Variants in RAD51B observed in about 807,000 individuals in gnomAD.
The protein encoded by RAD51B is RAD51 paralog B.
In RAD51B, 38 loss-of-function variants were observed where a neutral mutation model predicts 42.2. The ratio of observed to expected loss-of-function variants is 0.90; its 90% CI spans 0.70 to 1.18. RAD51B has a LOEUF of 1.18. Ranked by LOEUF, RAD51B falls within the 50% of genes most tolerant of loss-of-function variation. The pLI is 0.00. For synonymous variants in RAD51B, 154 were observed against 145.2 expected (o/e 1.06, Z -0.43); for missense variants, 373 against 400.7 (o/e 0.93, Z 0.59).
intron 7 of RAD51B, among the ~76,000 whole-genome samples, chr14:68,248,641 T>G (rs2080552125): frequency 6.6e-6 from 1 of 152,064 alleles, no homozygotes; most frequent in Non-Finnish European, 1.5e-5. Flanking sequence ...GGGGAGTGGG[T>G]ATCTGAATAG....
At chr14:68,389,601 A>G (rs894686550) in intron 8 of RAD51B, among the ~76,000 whole-genome samples, 1 of 152,210 alleles carries the variant, frequency 6.6e-6, no homozygotes, top group African/African-American at 2.4e-5. Flanking sequence ...CATAGTGTGC[A>G]TACTACTTTG....
At chr14:68,318,240 G>GCCA (rs1360207989) in intron 8 of RAD51B, among the ~76,000 whole-genome samples, 1 of 152,168 alleles carries the variant, frequency 6.6e-6, no homozygotes, top group African/African-American at 2.4e-5. Flanking sequence ...GTTCAACCTG[G>GCCA]CCATAGGCTG....
chr14:68,180,299 C>T (rs565294799), intron 7 of RAD51B, among the ~76,000 whole-genome samples: 3 of 152,228 alleles, frequency 2.0e-5, no homozygotes, highest in South Asian at 2.1e-4. Flanking sequence ...TTTGCCCAAA[C>T]GTGTTTATCC....
intron 8 of RAD51B, among the ~76,000 whole-genome samples, chr14:68,304,034 A>G (rs745814731): frequency 6.6e-6 from 1 of 152,016 alleles, no homozygotes; most frequent in Non-Finnish European, 1.5e-5. Flanking sequence ...GCTGGATGTG[A>G]TGGTGCATGC....
At chr14:68,267,269 A>T (rs1161890159) in intron 7 of RAD51B, among the ~76,000 whole-genome samples, 1 of 152,234 alleles carries the variant, frequency 6.6e-6, no homozygotes, top group East Asian at 1.9e-4. Context: ...AGTAGCCCTA[A>T]TAATAGGAAA....
At chr14:68,581,982 C>T (rs1890228107) in intron 10 of RAD51B, among the ~76,000 whole-genome samples, 1 of 152,170 alleles carries the variant, frequency 6.6e-6, no homozygotes, top group South Asian at 2.1e-4. Flanking sequence ...TGGACCCCTT[C>T]CTTACACCTT....
chr14:68,404,041 C>T (rs17105545), intron 8 of RAD51B, among the ~76,000 whole-genome samples: 3,569 of 152,252 alleles, frequency 0.023, 65 homozygotes, highest in East Asian at 0.039. Flanking sequence ...TGAATGTTCC[C>T]ACAGTCTTTT....
At chr14:68,200,051 A>G (rs930255304) in intron 7 of RAD51B, among the ~76,000 whole-genome samples, 3 of 152,112 alleles carry the variant, frequency 2.0e-5, no homozygotes, top group Non-Finnish European at 4.4e-5. Context: ...TTCATTTAAT[A>G]ATCAGGGTAG....
intron 10 of RAD51B, among the ~76,000 whole-genome samples, chr14:68,499,293 CTTG>C (rs1204931468): frequency 2.0e-5 from 3 of 152,160 alleles, no homozygotes; most frequent in African/African-American, 7.2e-5. Flanking sequence ...GCGGAAAGAA[CTTG>C]TTTTCACTCC....
chr14:68,167,540 A>G (rs1262835462), intron 7 of RAD51B, among the ~76,000 whole-genome samples: 1 of 152,102 alleles, frequency 6.6e-6, no homozygotes, highest in East Asian at 1.9e-4. Context: ...AGCACTTGGT[A>G]GATTGATTAG....
In RAD51B at chr14:67,865,578, G is replaced by T. The variant is rs1347935935; in HGVS notation, c.452+439G>T. Among the ~76,000 whole-genome samples the T allele has an allele frequency of 6.1e-5, 7 of 114,788 alleles. No homozygotes were observed. The Admixed American group carries it at 7.2e-4, about 12-fold the overall frequency. The allele number at this position is 114,788 out of a possible 152,430, so 75.3% of individuals were successfully genotyped here. On this transcript the variant is annotated intron_variant, in intron 5 of 10. Coordinates refer to ENST00000471583, the MANE Select transcript of RAD51B (RefSeq NM_133510.4). Reference sequence around the variant, plus strand: ...TTTTGAGATGGAGTCTCTCTCTGTCGCCCAGGTTGGAGTTCAGTGGCAGGA... The same window carrying T: ...TTTTGAGATGGAGTCTCTCTCTGTCTCCCAGGTTGGAGTTCAGTGGCAGGA...
intron 7 of RAD51B, among the ~76,000 whole-genome samples, chr14:67,958,511 C>T (rs2074596286): frequency 6.6e-6 from 1 of 152,190 alleles, no homozygotes; most frequent in Non-Finnish European, 1.5e-5. Context: ...AGTCTTACCA[C>T]CAAGTGCTTG....
intron 9 of RAD51B, among the ~76,000 whole-genome samples, chr14:68,432,999 C>T (rs1249337683): frequency 6.6e-6 from 1 of 152,156 alleles, no homozygotes; most frequent in African/African-American, 2.4e-5. Flanking sequence ...ATTTTTCCTT[C>T]ACTTATGAAG....
At position 68,534,089 on chromosome 14, in the gene RAD51B, CA is replaced by C. The variant is rs1482178697; in HGVS notation, c.1037-60390del. Among the ~76,000 whole-genome samples, 3 of 151,936 alleles carry C rather than the reference CA, an allele frequency of 2.0e-5. No homozygotes were observed. In the East Asian group the frequency reaches 5.8e-4, roughly 29 times the overall value. On this transcript the variant is annotated intron_variant, in intron 10 of 10. Coordinates refer to the RAD51B transcript ENST00000487270. The stretch of plus-strand genomic sequence containing the variant: ...AAGCAAGTGAGCTTAACTGAGTGGT[CA>C]AAAAATTATTGGAGTAGAAATACTA...
intron 8 of RAD51B, among the ~76,000 whole-genome samples, chr14:68,336,289 T>C (rs2082453753): frequency 1.3e-5 from 2 of 152,254 alleles, no homozygotes; most frequent in South Asian, 4.1e-4. Flanking sequence ...TCTTCCTTTG[T>C]ATTTAACTTG....
chr14:67,967,598 G>T (rs1338912667), intron 7 of RAD51B, among the ~76,000 whole-genome samples: 1 of 152,164 alleles, frequency 6.6e-6, no homozygotes, highest in Non-Finnish European at 1.5e-5. Flanking sequence ...AATCCAGTGG[G>T]GCAAATTCTA....
At chr14:68,611,661 G>A, downstream of RAD51B, 1 of 269,760 alleles carries the variant, frequency 3.7e-6, no homozygotes, top group Non-Finnish European at 7.1e-6. Context: ...TGCACACTGT[G>A]CAGTCGCACA....
intron 7 of RAD51B, among the ~76,000 whole-genome samples, chr14:68,002,516 G>A (rs955483777): frequency 6.6e-6 from 1 of 152,072 alleles, no homozygotes; most frequent in African/African-American, 2.4e-5. Flanking sequence ...TTCTTTTGCT[G>A]TGCAGAAGCT....
chr14:68,251,192 G>A (rs2080623776), intron 7 of RAD51B, among the ~76,000 whole-genome samples: 1 of 149,076 alleles, frequency 6.7e-6, no homozygotes, highest in Non-Finnish European at 1.5e-5. Flanking sequence ...CACCTTTCAA[G>A]GAGGAATTAA....
Sources: gnomAD v4.1 joint callset for allele counts (sites outside exome capture counted in the v4.1 genomes callset) on GRCh38, gnomAD v4.1.1 for gene constraint, MANE v1.5 for transcripts, NCBI Gene and HGNC (gene_info 2026-07-23, HGNC 2026-07-21) for gene names.